PDE3A: variants seen among roughly 807,000 people sequenced by gnomAD.
PDE3A encodes the protein phosphodiesterase 3A.
PDE3A carries 43 observed loss-of-function variants against 98.3 expected under a neutral mutation model. The observed-to-expected ratio is 0.44, with a 90% CI of 0.34 to 0.56. The LOEUF (loss-of-function observed/expected upper bound fraction) is 0.56, where lower values mean the gene tolerates loss of function less well. Ranked by LOEUF, PDE3A falls within the 20% of genes least tolerant of loss-of-function variation. The pLI is 0.01. For synonymous variants in PDE3A, 663 were observed against 567.9 expected, an observed-to-expected ratio of 1.17 and a Z score of -2.38; for missense variants, 1,427 against 1,440.7, an observed-to-expected ratio of 0.99 and a Z score of 0.15.
intron 15 of PDE3A, among the ~76,000 whole-genome samples, chr12:20,663,386 G>A (rs1408059605): frequency 6.6e-6 from 1 of 152,078 alleles, no homozygotes; most frequent in Non-Finnish European, 1.5e-5. Flanking sequence ...TCCACCAACA[G>A]CTTGCACTGT....
At chr12:20,456,687 T>G (rs1458200215) in intron 1 of PDE3A, among the ~76,000 whole-genome samples, 1 of 152,186 alleles carries the variant, frequency 6.6e-6, no homozygotes, top group African/African-American at 2.4e-5. Context: ...TGGGTAGAGT[T>G]GCCAGACATT....
intron 1 of PDE3A, among the ~76,000 whole-genome samples, chr12:20,555,399 A>G (rs1942344505): frequency 6.6e-6 from 1 of 152,178 alleles, no homozygotes; most frequent in African/African-American, 2.4e-5. Context: ...GTAATTACTA[A>G]GGTCAAGTAA....
At chr12:20,618,538 A>C (rs1944062687) in intron 4 of PDE3A, among the ~76,000 whole-genome samples, 2 of 152,104 alleles carry the variant, frequency 1.3e-5, no homozygotes, top group Admixed American at 1.3e-4. Flanking sequence ...TAGAAAGCAC[A>C]CTGGACTGAG....
At chr12:20,463,394 A>G (rs1436783894) in intron 1 of PDE3A, among the ~76,000 whole-genome samples, 1 of 152,138 alleles carries the variant, frequency 6.6e-6, no homozygotes, top group African/African-American at 2.4e-5. Flanking sequence ...TGTTTTTTGC[A>G]ATATTAAGTA....
chr12:20,676,498 C>CT (rs60887487), intron 15 of PDE3A, among the ~76,000 whole-genome samples: 54,555 of 109,042 alleles, frequency 0.5, 14,474 homozygotes, highest in East Asian at 0.77. Flanking sequence ...ATGTCTTTGA[C>CT]TTTTTTTTTT....
intron 2 of PDE3A, among the ~76,000 whole-genome samples, chr12:20,590,503 G>A (rs11613696): frequency 0.53 from 79,151 of 150,248 alleles, 21,289 homozygotes; most frequent in Admixed American, 0.63. Context: ...AGCTGGGTGT[G>A]GTGGCTCACG....
At position 20,684,461 on chromosome 12, in the gene PDE3A, C is replaced by T. The variant is rs1945896259; in HGVS notation, c.*4190C>T. 6.6e-6 allele frequency: 1 copy of T among 152,124 alleles called. No individual in the cohort carries two copies. The highest frequency in any genetic ancestry group is 2.1e-4 in the South Asian group (1 of 4,830). The allele number at this position is 152,124 out of a possible 1,614,324, so 9.4% of individuals were successfully genotyped here. A position where few individuals can be genotyped will look rare whatever the true frequency, so the allele number is the denominator to read the frequency against. On this transcript the variant is annotated 3_prime_UTR_variant, in exon 16 of 16. Transcript: ENST00000359062. ...ATCCCCCTTATTTAGAGATTATTAG[C>T]TAATGTGTGAAAGAAATATCAATAG...
chr12:20,551,903 C>G, intron 1 of PDE3A: 2 of 1,613,450 alleles, frequency 1.2e-6, no homozygotes, highest in South Asian at 2.2e-5. Context: ...CCGGGGATCC[C>G]CGTGGGCACC....
chr12:20,466,530 G>C (rs1019012382), intron 1 of PDE3A, among the ~76,000 whole-genome samples: 1 of 152,066 alleles, frequency 6.6e-6, no homozygotes, highest in African/African-American at 2.4e-5. Flanking sequence ...GTAATACTTC[G>C]AATGTGAATG....
intron 1 of PDE3A, among the ~76,000 whole-genome samples, chr12:20,468,388 C>T (rs1945380103): frequency 6.6e-6 from 1 of 152,134 alleles, no homozygotes; most frequent in South Asian, 2.1e-4. Flanking sequence ...CTCTCTGAAT[C>T]TCATTCTGTA....
chr12:20,520,797 C>A (rs903026174), intron 1 of PDE3A, among the ~76,000 whole-genome samples: 5 of 152,134 alleles, frequency 3.3e-5, no homozygotes, highest in African/African-American at 9.7e-5. Context: ...CAAACAGAAG[C>A]CAGAGCCAAG....
intron 1 of PDE3A, among the ~76,000 whole-genome samples, chr12:20,486,892 C>G (rs981977499): frequency 6.6e-6 from 1 of 152,188 alleles, no homozygotes; most frequent in Non-Finnish European, 1.5e-5. Context: ...CCTTGGCCTC[C>G]CAAAGTGTTG....
chr12:20,435,374 T>G (rs991494993), intron 1 of PDE3A, among the ~76,000 whole-genome samples: 17 of 152,168 alleles, frequency 1.1e-4, no homozygotes, highest in Middle Eastern at 3.4e-3. Flanking sequence ...AGGCTTGTCT[T>G]CCAGATTTAA....
intron 2 of PDE3A, among the ~76,000 whole-genome samples, chr12:20,609,614 C>T (rs1273653842): frequency 6.6e-6 from 1 of 151,850 alleles, no homozygotes; most frequent in Non-Finnish European, 1.5e-5. Context: ...GAGGGGAAAA[C>T]GGTTGAAGGC....
intron 2 of PDE3A, among the ~76,000 whole-genome samples, chr12:20,570,816 T>C (rs1186587380): frequency 1.3e-5 from 2 of 152,162 alleles, no homozygotes; most frequent in African/African-American, 2.4e-5. Context: ...AGGCAAACCA[T>C]GAGTCTTAAG....
intron 1 of PDE3A, among the ~76,000 whole-genome samples, chr12:20,453,172 G>GTTTTTTTTT (rs1565554312): frequency 8.5e-6 from 1 of 117,764 alleles, no homozygotes; most frequent in African/African-American, 3.2e-5. Flanking sequence ...ACTTGATAAT[G>GTTTTTTTTT]CTTTTTTTTT....
At chr12:20,410,203 C>A (rs914909266) in intron 1 of PDE3A, among the ~76,000 whole-genome samples, 7 of 152,110 alleles carry the variant, frequency 4.6e-5, no homozygotes, top group Admixed American at 2.0e-4. Context: ...TTGGGCTATC[C>A]TTTTTTGTAG....
chr12:20,526,957 C>G (rs1029215160), intron 1 of PDE3A, among the ~76,000 whole-genome samples: 2 of 150,376 alleles, frequency 1.3e-5, no homozygotes, highest in African/African-American at 4.9e-5. Context: ...TCACTCTTGT[C>G]CCCCAGGCTG....
Position 20,596,286 on chromosome 12 carries a change from A to G in PDE3A, c.1012-17157A>G, listed in dbSNP as rs571840114. On this transcript the variant is annotated intron_variant, in intron 2 of 15. Coordinates refer to ENST00000359062, the MANE Select transcript of PDE3A (RefSeq NM_000921.5). ...ACTTAATTTCCTCCTTTATTCAGCA[A>G]CACATTGTTGCTAAATGTGGAGTGG... Among the ~76,000 whole-genome samples, 9 of 152,262 alleles carry G rather than the reference A, an allele frequency of 5.9e-5. No homozygotes were observed. In the South Asian group the frequency reaches 1.7e-3, roughly 28 times the overall value.
Sources: gnomAD v4.1 joint callset for allele counts (sites outside exome capture counted in the v4.1 genomes callset) on GRCh38, gnomAD v4.1.1 for gene constraint, MANE v1.5 for transcripts, NCBI Gene and HGNC (gene_info 2026-07-23, HGNC 2026-07-21) for gene names.